Variants in GRIA1 observed in about 807,000 individuals in gnomAD.
The protein encoded by GRIA1 is glutamate ionotropic receptor AMPA type subunit 1.
Under a neutral mutation model 99.2 loss-of-function variants are expected in GRIA1, and 31 were observed. The ratio of observed to expected loss-of-function variants is 0.31; its 90% CI spans 0.23 to 0.42. GRIA1 has a LOEUF of 0.42. Ranked by LOEUF, GRIA1 falls within the 10% of genes least tolerant of loss-of-function variation. The pLI, the probability that GRIA1 is intolerant of heterozygous loss-of-function variation, is 1.00. For missense variants in GRIA1, 782 were observed against 1,157.5 expected (o/e 0.68, Z 4.71); for synonymous variants, 438 against 432.4 (o/e 1.01, Z -0.16).
At chr5:153,795,122 C>T (rs543537397) in intron 14 of GRIA1, among the ~76,000 whole-genome samples, 4 of 152,230 alleles carry the variant, frequency 2.6e-5, no homozygotes, top group East Asian at 1.9e-4. Context: ...GAAGCAGATT[C>T]TGAGATACAC....
chr5:153,709,269 C>T (rs1759140682), intron 11 of GRIA1, among the ~76,000 whole-genome samples: 1 of 152,204 alleles, frequency 6.6e-6, no homozygotes, highest in South Asian at 2.1e-4. Context: ...TGACATTCAT[C>T]AAACATCCTT....
rs1488318681 is a variant in GRIA1, at chr5:153,615,235, C to T, written c.221-31693C>T. ...CATCAGCAAATACTTACTAAGTACT[C>T]GTTATTAAGTCTATACAGATCAAGG... On this transcript the variant is annotated intron_variant, in intron 2 of 15. Coordinates refer to ENST00000285900, the MANE Select transcript of GRIA1 (RefSeq NM_000827.4). 2.0e-5 allele frequency among the ~76,000 whole-genome samples: 3 copies of T among 152,214 alleles called. No homozygotes were observed. The East Asian group carries it at 5.8e-4, about 29-fold the overall frequency.
chr5:153,655,734 C>A, intron 4 of GRIA1, 85 bp from the exon 5 acceptor site: 1 of 1,133,166 alleles, frequency 8.8e-7, no homozygotes, highest in Non-Finnish European at 1.3e-6. Flanking sequence ...TGTAAGCACT[C>A]GATATCAGCT....
chr5:153,541,928 C>CAG (rs1759148545), intron 2 of GRIA1, among the ~76,000 whole-genome samples: 1 of 97,434 alleles, frequency 1.0e-5, no homozygotes, highest in Non-Finnish European at 2.0e-5. Context: ...GATCCTGTTT[C>CAG]AAAAAAAAAA....
At chr5:153,687,612 A>G (rs937446087) in intron 8 of GRIA1, among the ~76,000 whole-genome samples, 2 of 152,212 alleles carry the variant, frequency 1.3e-5, no homozygotes, top group African/African-American at 4.8e-5. Context: ...CAGTTGCACT[A>G]TCTACATGTC....
chr5:153,736,579 G>A (rs1043909173), intron 11 of GRIA1, among the ~76,000 whole-genome samples: 5 of 152,146 alleles, frequency 3.3e-5, no homozygotes, highest in African/African-American at 1.2e-4. Context: ...ATGTTTGGGG[G>A]TAGCTGAACC....
chr5:153,778,651 C>CCACACACACACA (rs57534899), intron 13 of GRIA1, among the ~76,000 whole-genome samples: 5 of 147,286 alleles, frequency 3.4e-5, no homozygotes, highest in Non-Finnish European at 7.5e-5. Context: ...TCACCCCCCA[C>CCACACACACACA]CACACACACA....
intron 11 of GRIA1, among the ~76,000 whole-genome samples, chr5:153,763,897 TATTCTG>T (rs1763347691): frequency 6.6e-6 from 1 of 152,252 alleles, no homozygotes; most frequent in African/African-American, 2.4e-5. Flanking sequence ...GGACTATGAC[TATTCTG>T]ATTCTATTTC....
At chr5:153,622,165 G>A (rs1395613292) in intron 2 of GRIA1, among the ~76,000 whole-genome samples, 2 of 152,188 alleles carry the variant, frequency 1.3e-5, no homozygotes, top group African/African-American at 2.4e-5. Context: ...CAGAAATCCT[G>A]GAGGTGGAGC....
chr5:153,658,221 A>C (rs2149467559), intron 5 of GRIA1, among the ~76,000 whole-genome samples: 1 of 152,282 alleles, frequency 6.6e-6, no homozygotes, highest in South Asian at 2.1e-4. Flanking sequence ...ACATAGAACA[A>C]GAATACACAG....
At chr5:153,788,207 C>T (rs115709251) in intron 13 of GRIA1, among the ~76,000 whole-genome samples, 1 of 152,168 alleles carries the variant, frequency 6.6e-6, no homozygotes, top group South Asian at 2.1e-4. Context: ...AGGGAAAAAT[C>T]AGCTCGAATC....
At chr5:153,678,240 T>G (rs1182487017) in intron 7 of GRIA1, among the ~76,000 whole-genome samples, 2 of 152,186 alleles carry the variant, frequency 1.3e-5, no homozygotes, top group African/African-American at 4.8e-5. Context: ...AATGTACAAC[T>G]ATTCCCACTT....
Position 153,723,103 on chromosome 5 carries a change from G to T in GRIA1, c.1823+17036G>T, listed in dbSNP as rs759831294. Among the ~76,000 whole-genome samples, 29 of 152,274 alleles carry T rather than the reference G, an allele frequency of 1.9e-4. No homozygotes were observed. In the Middle Eastern group the frequency reaches 0.017, roughly 89 times the overall value. On this transcript the variant is annotated intron_variant, in intron 11 of 15. Transcript: ENST00000285900. The stretch of plus-strand genomic sequence containing the variant: ...TTAAATTAACCTAAAAGAAGAAATT[G>T]CATTTCAAATGAGATAGAAGGTACT...
chr5:153,777,738 T>C (rs1764354238), intron 13 of GRIA1, among the ~76,000 whole-genome samples: 2 of 152,188 alleles, frequency 1.3e-5, no homozygotes, highest in South Asian at 2.1e-4. Context: ...TGAGAACAAT[T>C]TGTGGTCCTC....
rs981085767 is a variant in GRIA1 at position 153,812,544 on chromosome 5, A to C, written c.*1319A>C. The C allele has an allele frequency of 2.0e-5, 3 of 152,262 alleles. No individual in the cohort carries two copies. Among genetic ancestry groups the C allele is most frequent in the Non-Finnish European group, 4.4e-5 (3 of 68,056 alleles). The allele number at this position is 152,262 out of a possible 1,614,324, so 9.4% of individuals were successfully genotyped here. A position where few individuals can be genotyped will look rare whatever the true frequency, so the allele number is the denominator to read the frequency against. ...TTGAAGGAGTATAGGGAGATGGATT[A>C]AGTTGATAATGACATTTAGGGCAAC... is the stretch of plus-strand genomic sequence containing the variant. On this transcript the variant is annotated 3_prime_UTR_variant, in exon 16 of 16. Coordinates refer to ENST00000285900, the MANE Select transcript of GRIA1 (RefSeq NM_000827.4).
chr5:153,491,444 C>T (rs874179), intron 1 of GRIA1: 30,058 of 370,188 alleles, frequency 0.081, 2,829 homozygotes, highest in East Asian at 0.56. Flanking sequence ...AGAAAAGAGA[C>T]CCTCGAGAAG....
chr5:153,620,613 C>G (rs1766947916), intron 2 of GRIA1, among the ~76,000 whole-genome samples: 1 of 152,168 alleles, frequency 6.6e-6, no homozygotes, highest in Non-Finnish European at 1.5e-5. Context: ...CTTGTGTTAG[C>G]ACTTGACATG....
intron 2 of GRIA1, among the ~76,000 whole-genome samples, chr5:153,498,198 A>C (rs1754628353): frequency 6.6e-6 from 1 of 152,170 alleles, no homozygotes; most frequent in South Asian, 2.1e-4. Flanking sequence ...ATTTGCTGAG[A>C]TGGGACAGAG....
chr5:153,773,963 A>C (rs1422743138), intron 13 of GRIA1, among the ~76,000 whole-genome samples: 1 of 152,118 alleles, frequency 6.6e-6, no homozygotes, highest in Non-Finnish European at 1.5e-5. Context: ...TGTGCATTAA[A>C]AGGGAACACT....
Sources: gnomAD v4.1 joint callset for allele counts (sites outside exome capture counted in the v4.1 genomes callset) on GRCh38, gnomAD v4.1.1 for gene constraint, MANE v1.5 for transcripts, NCBI Gene and HGNC (gene_info 2026-07-23, HGNC 2026-07-21) for gene names.